DLG2: variants seen among roughly 807,000 people sequenced by gnomAD.
DLG2 encodes the protein disks large homolog 2.
In DLG2, 45 loss-of-function variants were observed where a neutral mutation model predicts 132.5. The ratio of observed to expected loss-of-function variants is 0.34; its 90% CI spans 0.27 to 0.44. The LOEUF (loss-of-function observed/expected upper bound fraction) is 0.44, where lower values mean the gene tolerates loss of function less well. Ranked by LOEUF, DLG2 falls within the 20% of genes least tolerant of loss-of-function variation. The pLI, the probability that DLG2 is intolerant of heterozygous loss-of-function variation, is 1.00. For missense variants in DLG2, 1,045 were observed against 1,196.9 expected (o/e 0.87, Z 1.87); for synonymous variants, 424 against 419.6 (o/e 1.01, Z -0.13).
intron 15 of DLG2, among the ~76,000 whole-genome samples, chr11:83,898,416 G>A (rs2154095924): frequency 6.6e-6 from 1 of 152,028 alleles, no homozygotes; most frequent in African/African-American, 2.4e-5. Flanking sequence ...TTATAAATTT[G>A]TTTTTGTATA....
chr11:83,501,866 C>A (rs2094464420), intron 21 of DLG2, among the ~76,000 whole-genome samples: 1 of 152,126 alleles, frequency 6.6e-6, no homozygotes, highest in Admixed American at 6.6e-5. Flanking sequence ...CCTTTCCTTC[C>A]TTTAACCACA....
At chr11:84,390,873 G>T (rs1172745355) in intron 7 of DLG2, among the ~76,000 whole-genome samples, 1 of 152,192 alleles carries the variant, frequency 6.6e-6, no homozygotes, top group African/African-American at 2.4e-5. Context: ...TGGTGCGGCA[G>T]CAGGGCAGCA....
intron 6 of DLG2, chr11:84,545,239 C>T (rs2099387308): frequency 4.2e-6 from 2 of 474,932 alleles, no homozygotes; most frequent in Non-Finnish European, 8.2e-6. Flanking sequence ...GGGGCTGGAG[C>T]TTCTGCCTCC....
intron 22 of DLG2, among the ~76,000 whole-genome samples, chr11:83,473,763 C>T (rs1254729794): frequency 6.6e-6 from 1 of 152,082 alleles, no homozygotes; most frequent in Non-Finnish European, 1.5e-5. Flanking sequence ...TCACCACCCA[C>T]CCCTGAAGCA....
chr11:84,206,947 T>C (rs2096674600), intron 8 of DLG2, among the ~76,000 whole-genome samples: 3 of 151,956 alleles, frequency 2.0e-5, no homozygotes. Flanking sequence ...AAAAGTTCAA[T>C]GTAAAAAGTT....
chr11:85,106,747 T>C (rs1001110025), intron 6 of DLG2, among the ~76,000 whole-genome samples: 7 of 151,972 alleles, frequency 4.6e-5, no homozygotes, highest in African/African-American at 1.2e-4. Context: ...AGCTTACTAG[T>C]AGAAGAGTAA....
chr11:83,969,752 T>G (rs2090964409), intron 12 of DLG2, among the ~76,000 whole-genome samples: 1 of 152,098 alleles, frequency 6.6e-6, no homozygotes, highest in Non-Finnish European at 1.5e-5. Context: ...TTTGTATTTT[T>G]AGCAGACACA....
At chr11:85,401,944 C>T (rs890859232) in intron 3 of DLG2, among the ~76,000 whole-genome samples, 4 of 151,556 alleles carry the variant, frequency 2.6e-5, no homozygotes, top group African/African-American at 9.7e-5. Context: ...CAATGCCATC[C>T]CCATCAAGCT....
intron 17 of DLG2, among the ~76,000 whole-genome samples, chr11:83,817,333 T>C (rs549650311): frequency 2.0e-4 from 31 of 152,126 alleles, no homozygotes; most frequent in African/African-American, 6.5e-4. Flanking sequence ...GAAGGATGAA[T>C]AGAATAGAAG....
At chr11:84,296,507 C>T (rs1398894915) in intron 7 of DLG2, among the ~76,000 whole-genome samples, 5 of 152,098 alleles carry the variant, frequency 3.3e-5, no homozygotes, top group African/African-American at 7.2e-5. Flanking sequence ...GGTGCAATCA[C>T]GGCTCACTGC....
chr11:84,370,126 A>C (rs1299055797), intron 7 of DLG2, among the ~76,000 whole-genome samples: 1 of 152,144 alleles, frequency 6.6e-6, no homozygotes, highest in East Asian at 1.9e-4. Flanking sequence ...CTTTCTTGGC[A>C]ATTATGCACT....
At chr11:85,111,944 C>G (rs17148004) in intron 5 of DLG2, among the ~76,000 whole-genome samples, 1 of 151,896 alleles carries the variant, frequency 6.6e-6, no homozygotes, top group East Asian at 1.9e-4. Flanking sequence ...TTTTTTGTTA[C>G]TCTAAGGACT....
chr11:84,753,031 A>G (rs1171028386), intron 6 of DLG2, among the ~76,000 whole-genome samples: 3 of 152,126 alleles, frequency 2.0e-5, no homozygotes, highest in Non-Finnish European at 2.9e-5. Flanking sequence ...AGGAAGGGGT[A>G]TTTGAACAGA....
At chr11:83,743,026 G>A (rs1308240594) in intron 18 of DLG2, among the ~76,000 whole-genome samples, 5 of 152,162 alleles carry the variant, frequency 3.3e-5, no homozygotes, top group Admixed American at 6.5e-5. Context: ...CTTAATGTTA[G>A]TCAATAATTC....
chr11:83,490,733 C>A (rs998631155), intron 21 of DLG2, among the ~76,000 whole-genome samples: 2 of 151,942 alleles, frequency 1.3e-5, no homozygotes, highest in Non-Finnish European at 2.9e-5. Context: ...CACAACATCA[C>A]TTCTGTAGTA....
intron 6 of DLG2, among the ~76,000 whole-genome samples, chr11:85,034,264 G>C (rs1281112091): frequency 6.6e-6 from 1 of 151,962 alleles, no homozygotes; most frequent in East Asian, 1.9e-4. Context: ...ATTTTTAGTA[G>C]AGACGGAGTT....
At chr11:85,035,674 G>A (rs1188996693) in intron 6 of DLG2, among the ~76,000 whole-genome samples, 1 of 152,030 alleles carries the variant, frequency 6.6e-6, no homozygotes, top group Non-Finnish European at 1.5e-5. Flanking sequence ...AAACTAACCA[G>A]CCCACCCAAA....
At chr11:85,191,774 G>T (rs2080594412) in intron 4 of DLG2, among the ~76,000 whole-genome samples, 1 of 152,094 alleles carries the variant, frequency 6.6e-6, no homozygotes, top group South Asian at 2.1e-4. Flanking sequence ...TGATGGGCAG[G>T]CAGACATTCC....
At chr11:84,501,648 A>T (rs2099205889) in intron 7 of DLG2, among the ~76,000 whole-genome samples, 3 of 152,214 alleles carry the variant, frequency 2.0e-5, no homozygotes, top group Admixed American at 6.5e-5. Flanking sequence ...TTTGTGAGAA[A>T]CAGTCAGGTA....
Sources: gnomAD v4.1 joint callset for allele counts (sites outside exome capture counted in the v4.1 genomes callset) on GRCh38, gnomAD v4.1.1 for gene constraint, MANE v1.5 for transcripts, NCBI Gene and HGNC (gene_info 2026-07-23, HGNC 2026-07-21) for gene names.